Variants in GPC6 observed in about 807,000 individuals in gnomAD.
The protein encoded by GPC6 is glypican 6.
A neutral mutation model predicts 55.2 loss-of-function variants in GPC6; 14 were observed. That is an observed-to-expected ratio of 0.25 (90% CI 0.17 to 0.40). The LOEUF (loss-of-function observed/expected upper bound fraction) is 0.40. GPC6 is among the 10% of genes least tolerant of loss of function. GPC6 has a pLI of 1.00. For missense variants in GPC6, 641 were observed against 708.5 expected (o/e 0.90, Z 1.08); for synonymous variants, 278 against 259.6 (o/e 1.07, Z -0.68).
chr13:93,319,249 A>T (rs1195143082), intron 1 of GPC6, among the ~76,000 whole-genome samples: 3 of 152,116 alleles, frequency 2.0e-5, no homozygotes, highest in African/African-American at 7.2e-5. Context: ...CCTCGTGCAT[A>T]GTGTTCCTAG....
chr13:93,399,083 C>CACACAT (rs1555296853), intron 1 of GPC6, among the ~76,000 whole-genome samples: 4 of 151,458 alleles, frequency 2.6e-5, no homozygotes, highest in East Asian at 1.9e-4. Context: ...CACACACACA[C>CACACAT]GTGCACACAA....
At chr13:94,248,916 G>T (rs1891274978) in intron 4 of GPC6, among the ~76,000 whole-genome samples, 1 of 152,122 alleles carries the variant, frequency 6.6e-6, no homozygotes, top group African/African-American at 2.4e-5. Flanking sequence ...TTACTAAGTT[G>T]CTGATGAAAT....
rs188526487 is a variant in GPC6, at chr13:93,299,240, T to A, written c.160+71624T>A. Among the ~76,000 whole-genome samples the A allele has an allele frequency of 1.5e-3, 227 of 152,296 alleles. 2 individuals carry two copies. The highest frequency in any genetic ancestry group is 5.2e-3 in the African/African-American group (216 of 41,578). Reference sequence around the variant, plus strand: ...TAAGTGATTTTGACTTCTAATAAATTGACAGAAAATGTTTTAACCATAAAG... The same window carrying A: ...TAAGTGATTTTGACTTCTAATAAATAGACAGAAAATGTTTTAACCATAAAG... On this transcript the variant is annotated intron_variant, in intron 1 of 8. Transcript: ENST00000377047.
At chr13:94,323,121 G>C (rs1876926416) in intron 6 of GPC6, among the ~76,000 whole-genome samples, 1 of 152,262 alleles carries the variant, frequency 6.6e-6, no homozygotes, top group East Asian at 1.9e-4. Flanking sequence ...ACAGTCTAGG[G>C]ATGTGGCTCC....
chr13:94,325,810 C>G (rs906084234), intron 6 of GPC6, among the ~76,000 whole-genome samples: 1 of 152,168 alleles, frequency 6.6e-6, no homozygotes, highest in African/African-American at 2.4e-5. Flanking sequence ...TGGCTTTGAG[C>G]TGACTCACGC....
At chr13:93,925,116 C>A (rs536756514) in intron 3 of GPC6, among the ~76,000 whole-genome samples, 26 of 152,230 alleles carry the variant, frequency 1.7e-4, no homozygotes, top group Middle Eastern at 3.4e-3. Context: ...TCATTTTAAC[C>A]CTCCCAACAA....
intron 2 of GPC6, among the ~76,000 whole-genome samples, chr13:93,590,872 TTA>T: frequency 6.6e-6 from 1 of 152,262 alleles, no homozygotes; most frequent in South Asian, 2.1e-4. Flanking sequence ...TGACCGACAG[TTA>T]CTGTTTTTTA....
At chr13:93,242,467 G>A (rs1396761892) in intron 1 of GPC6, among the ~76,000 whole-genome samples, 1 of 152,200 alleles carries the variant, frequency 6.6e-6, no homozygotes, top group Non-Finnish European at 1.5e-5. Flanking sequence ...CACACATCCT[G>A]TGGGGACACA....
At chr13:93,826,601 G>A in intron 2 of GPC6, among the ~76,000 whole-genome samples, 1 of 152,166 alleles carries the variant, frequency 6.6e-6, no homozygotes, top group East Asian at 1.9e-4. Flanking sequence ...GTTTATCTAT[G>A]TAGTGTTAAC....
intron 2 of GPC6, among the ~76,000 whole-genome samples, chr13:93,809,715 G>C (rs1299921818): frequency 6.6e-6 from 1 of 152,140 alleles, no homozygotes; most frequent in African/African-American, 2.4e-5. Flanking sequence ...ACTCACTCTT[G>C]AGAATGCTGC....
chr13:93,566,564 T>G (rs1414254388), intron 2 of GPC6, among the ~76,000 whole-genome samples: 1 of 151,156 alleles, frequency 6.6e-6, no homozygotes, highest in Non-Finnish European at 1.5e-5. Context: ...TTTATGACTT[T>G]TTTTTCTTTT....
At chr13:93,839,425 G>T (rs1483703947) in intron 3 of GPC6, among the ~76,000 whole-genome samples, 1 of 152,090 alleles carries the variant, frequency 6.6e-6, no homozygotes. Context: ...TGTGTGAGCG[G>T]CATATTAGTT....
chr13:93,555,097 G>A (rs902980581), intron 2 of GPC6, among the ~76,000 whole-genome samples: 4 of 152,222 alleles, frequency 2.6e-5, no homozygotes, highest in East Asian at 1.9e-4. Context: ...ATTTCTCCAC[G>A]TATTTTGTTT....
At chr13:94,165,413 T>G (rs1189264605) in intron 4 of GPC6, among the ~76,000 whole-genome samples, 1 of 152,042 alleles carries the variant, frequency 6.6e-6, no homozygotes, top group Non-Finnish European at 1.5e-5. Context: ...AAACATCGTA[T>G]GTTCTCACTT....
At chr13:93,876,841 T>C (rs1874620378) in intron 3 of GPC6, among the ~76,000 whole-genome samples, 1 of 152,098 alleles carries the variant, frequency 6.6e-6, no homozygotes, top group South Asian at 2.1e-4. Context: ...ATATTGCACA[T>C]GGTTTTCACA....
At chr13:93,812,826 C>T (rs1234297762) in intron 2 of GPC6, among the ~76,000 whole-genome samples, 1 of 152,192 alleles carries the variant, frequency 6.6e-6, no homozygotes, top group Non-Finnish European at 1.5e-5. Flanking sequence ...ATTCTCATAA[C>T]ACTCTATCAG....
At chr13:93,724,899 C>A (rs1883579476) in intron 2 of GPC6, among the ~76,000 whole-genome samples, 1 of 151,966 alleles carries the variant, frequency 6.6e-6, no homozygotes, top group African/African-American at 2.4e-5. Context: ...TTATCATCTT[C>A]TCTAAAATGT....
At chr13:93,477,276 G>C (rs72640575) in intron 1 of GPC6, among the ~76,000 whole-genome samples, 17,838 of 152,038 alleles carry the variant, frequency 0.12, 1,332 homozygotes, top group East Asian at 0.28. Flanking sequence ...TAGAATTAAA[G>C]ACAATTTTTG....
chr13:93,816,866 A>G (rs1041390708), intron 2 of GPC6, among the ~76,000 whole-genome samples: 5 of 152,142 alleles, frequency 3.3e-5, no homozygotes, highest in Non-Finnish European at 7.4e-5. Context: ...TTTTGTTTCT[A>G]TCTTAGCATA....
Sources: gnomAD v4.1 joint callset for allele counts (sites outside exome capture counted in the v4.1 genomes callset) on GRCh38, gnomAD v4.1.1 for gene constraint, MANE v1.5 for transcripts, NCBI Gene and HGNC (gene_info 2026-07-23, HGNC 2026-07-21) for gene names.